CSMD1: variants seen among roughly 807,000 people sequenced by gnomAD.
CSMD1 encodes the protein CUB and sushi domain-containing protein 1.
Under a neutral mutation model 417.5 loss-of-function variants are expected in CSMD1, and 213 were observed. That is an observed-to-expected ratio of 0.51 (90% CI 0.46 to 0.57). The LOEUF is 0.57. Among genes scored for constraint, CSMD1 ranks in the 20% least tolerant of loss-of-function variants. CSMD1 has a pLI of 0.00. For synonymous variants in CSMD1, 2,862 were observed against 1,736.8 expected (o/e 1.65, Z -16.11); for missense variants, 6,923 against 4,529.7 (o/e 1.53, Z -15.17).
intron 2 of CSMD1, among the ~76,000 whole-genome samples, chr8:4,436,807 A>G (rs972371618): frequency 2.6e-5 from 4 of 152,174 alleles, no homozygotes; most frequent in Non-Finnish European, 5.9e-5. Flanking sequence ...TCATTTAACA[A>G]TGATCTCCAG....
chr8:4,713,389 G>A (rs1406731361), intron 1 of CSMD1, among the ~76,000 whole-genome samples: 1 of 151,434 alleles, frequency 6.6e-6, no homozygotes, highest in African/African-American at 2.4e-5. Flanking sequence ...GTTTTGTTTT[G>A]TTTTGTTTTG....
intron 5 of CSMD1, among the ~76,000 whole-genome samples, chr8:3,916,316 A>T (rs143780197): frequency 2.4e-4 from 37 of 152,212 alleles, no homozygotes; most frequent in African/African-American, 8.7e-4. Context: ...TCTCAGCACT[A>T]CGCCGGATAT....
At chr8:4,926,634 T>G (rs77488036) in intron 1 of CSMD1, among the ~76,000 whole-genome samples, 1 of 152,194 alleles carries the variant, frequency 6.6e-6, no homozygotes, top group Non-Finnish European at 1.5e-5. Context: ...GTTCCTTAAT[T>G]CTTGATTTCC....
intron 56 of CSMD1, 62 bp from the exon 57 acceptor site, chr8:2,973,361 G>A: frequency 6.7e-7 from 1 of 1,499,792 alleles, no homozygotes; most frequent in South Asian, 1.2e-5. Context: ...AAGCAGAGTT[G>A]TCACACTTAA....
chr8:4,652,175 T>C (rs964242323), intron 1 of CSMD1, among the ~76,000 whole-genome samples: 24 of 152,092 alleles, frequency 1.6e-4, no homozygotes, highest in East Asian at 1.2e-3. Context: ...TTATAAAGCA[T>C]TGAGGGATTG....
chr8:3,083,493 C>G (rs1490702985), intron 49 of CSMD1, among the ~76,000 whole-genome samples: 1 of 148,152 alleles, frequency 6.7e-6, no homozygotes, highest in Non-Finnish European at 1.5e-5. Flanking sequence ...AGGCAGTCAT[C>G]AAAGGGTCCT....
At chr8:4,112,559 G>A (rs990947639) in intron 3 of CSMD1, among the ~76,000 whole-genome samples, 1 of 152,126 alleles carries the variant, frequency 6.6e-6, no homozygotes, top group Non-Finnish European at 1.5e-5. Context: ...TGCTTTCTCT[G>A]TTCCCTCTTC....
At position 4,677,038 on chromosome 8, in the gene CSMD1, A is replaced by G. The variant is rs534346107; in HGVS notation, c.86-39480T>C. 1.5e-3 allele frequency among the ~76,000 whole-genome samples: 219 copies of G among 144,838 alleles called. 10 individuals are homozygous for G. The South Asian group carries it at 0.043, about 28-fold the overall frequency. On this transcript the variant is annotated intron_variant, in intron 1 of 69. Transcript: ENST00000635120. The stretch of plus-strand genomic sequence containing the variant: ...ATTTTACATAGAATTTTATATAGAG[A>G]GAATTATATATATAGAATTATATAT...
chr8:3,421,047 T>G (rs1813457552), intron 12 of CSMD1, among the ~76,000 whole-genome samples: 1 of 152,212 alleles, frequency 6.6e-6, no homozygotes, highest in Non-Finnish European at 1.5e-5. Context: ...ACTGTGGTGG[T>G]GGTCATTTTA....
chr8:4,811,213 C>A (rs929149138), intron 1 of CSMD1, among the ~76,000 whole-genome samples: 2 of 152,028 alleles, frequency 1.3e-5, no homozygotes, highest in African/African-American at 4.8e-5. Flanking sequence ...TGGTGAATCA[C>A]GAGGTTCAAC....
At chr8:4,354,637 A>G (rs964130913) in intron 3 of CSMD1, among the ~76,000 whole-genome samples, 3 of 152,160 alleles carry the variant, frequency 2.0e-5, no homozygotes, top group African/African-American at 7.2e-5. Flanking sequence ...TACTCAAAAA[A>G]TAAACACATG....
At chr8:4,112,088 G>C (rs950316240) in intron 3 of CSMD1, among the ~76,000 whole-genome samples, 2 of 152,096 alleles carry the variant, frequency 1.3e-5, no homozygotes, top group African/African-American at 4.8e-5. Context: ...GAAATAAAAG[G>C]AAACTGAAGG....
intron 49 of CSMD1, among the ~76,000 whole-genome samples, chr8:3,070,882 C>G (rs1395951016): frequency 6.6e-6 from 1 of 152,184 alleles, no homozygotes; most frequent in Non-Finnish European, 1.5e-5. Context: ...TAAAGCAATA[C>G]CTGAGACTGG....
At chr8:3,941,506 T>A (rs1810881104) in intron 5 of CSMD1, among the ~76,000 whole-genome samples, 1 of 152,182 alleles carries the variant, frequency 6.6e-6, no homozygotes, top group South Asian at 2.1e-4. Context: ...AAAAGGAGCT[T>A]TGATTTAAAT....
intron 1 of CSMD1, among the ~76,000 whole-genome samples, chr8:4,962,193 TTTTTA>T (rs1186383462): frequency 1.4e-5 from 2 of 142,318 alleles, no homozygotes; most frequent in African/African-American, 5.6e-5. Context: ...TTCTGCTTTT[TTTTTA>T]AAAAAAAAAG....
intron 40 of CSMD1, among the ~76,000 whole-genome samples, chr8:3,148,753 T>C (rs1819006094): frequency 6.6e-6 from 1 of 152,250 alleles, no homozygotes; most frequent in Non-Finnish European, 1.5e-5. Flanking sequence ...AGGGGCATCA[T>C]AATTCCAAAT....
At chr8:3,227,220 G>A (rs1011910585) in intron 27 of CSMD1, among the ~76,000 whole-genome samples, 10 of 152,104 alleles carry the variant, frequency 6.6e-5, no homozygotes, top group African/African-American at 2.4e-4. Flanking sequence ...CCAACATAGT[G>A]AAAACCCATC....
chr8:3,795,297 G>GAT (rs1267685787), intron 5 of CSMD1, among the ~76,000 whole-genome samples: 2 of 60,356 alleles, frequency 3.3e-5, no homozygotes, highest in Non-Finnish European at 6.4e-5. Flanking sequence ...ATCATGTACA[G>GAT]ATATATATAT....
intron 5 of CSMD1, among the ~76,000 whole-genome samples, chr8:3,903,533 G>A (rs73495969): frequency 5.9e-5 from 9 of 152,082 alleles, no homozygotes; most frequent in East Asian, 3.9e-4. Flanking sequence ...GTAATTGCCG[G>A]CATTTTGTCC....
Sources: allele counts gnomAD v4.1 joint callset (sites outside exome capture counted in the v4.1 genomes callset), GRCh38; gene constraint gnomAD v4.1.1; transcripts MANE v1.5; gene names NCBI Gene and HGNC (gene_info 2026-07-23, HGNC 2026-07-21).